RP1: variants seen among roughly 807,000 people sequenced by gnomAD.
RP1 encodes the protein oxygen-regulated protein 1.
RP1 carries 16 observed loss-of-function variants against 14.8 expected under a neutral mutation model. That is an observed-to-expected ratio of 1.08 (90% confidence interval 0.73 to 1.65). The LOEUF (loss-of-function observed/expected upper bound fraction) is 1.65. Ranked by LOEUF, RP1 falls within the 40% of genes most tolerant of loss-of-function variation. The pLI, the probability that RP1 is intolerant of heterozygous loss-of-function variation, is 0.00. For missense variants in RP1, 2,631 were observed against 2,535.0 expected (o/e 1.04, Z -0.81); for synonymous variants, 876 against 883.6 (o/e 0.99, Z 0.15).
At chr8:54,594,029 A>G (rs1322546914) in intron 1 of RP1, among the ~76,000 whole-genome samples, 1 of 151,394 alleles carries the variant, frequency 6.6e-6, no homozygotes, top group Non-Finnish European at 1.5e-5. Context: ...ACTTGGGACC[A>G]GGAACTTGGT....
chr8:54,757,761 G>A (rs1809544965), intron 21 of RP1, among the ~76,000 whole-genome samples: 1 of 152,184 alleles, frequency 6.6e-6, no homozygotes, highest in African/African-American at 2.4e-5. Flanking sequence ...ATGGGATGGG[G>A]CATCACTTGC....
intron 24 of RP1, among the ~76,000 whole-genome samples, chr8:54,809,882 A>C (rs1381609825): frequency 6.6e-6 from 1 of 152,214 alleles, no homozygotes; most frequent in African/African-American, 2.4e-5. Flanking sequence ...GAGAGTTGAA[A>C]AACATTTGTC....
chr8:54,621,729 T>G, intron 2 of RP1, 148 bp downstream of exon 2: 1 of 1,170,118 alleles, frequency 8.5e-7, no homozygotes, highest in South Asian at 1.3e-5. Context: ...CGATGCTGCC[T>G]TTGTTCCTTT....
chr8:54,604,838 A>G (rs1439216818), intron 1 of RP1, among the ~76,000 whole-genome samples: 2 of 152,176 alleles, frequency 1.3e-5, no homozygotes, highest in Non-Finnish European at 2.9e-5. Context: ...AGGTGTTTAT[A>G]GTATTCTCTG....
rs560123447 is a variant in RP1 at position 54,626,332 on chromosome 8, A to G, written c.2450A>G (p.Lys817Arg). 7.6e-5 allele frequency: 122 copies of G among 1,613,628 alleles called. No individual in the cohort carries two copies. The South Asian group carries it at 1.3e-3, about 17-fold the overall frequency. Residue 817 changes from lysine to arginine, a missense_variant, in exon 4 of 4, where the codon AAA (lysine) becomes AGA (arginine). Coordinates refer to ENST00000220676, the MANE Select transcript of RP1 (RefSeq NM_006269.2). ...TATTGCAAAAGTACTTTTGAAAACA[A>G]AAGTTTATTTCATGTATTTAACATC... Reference protein sequence around the residue: ...SKYCKSTFENKSLFHVFNILE... With the variant: ...SKYCKSTFENRSLFHVFNILE...
chr8:54,685,677 T>G (rs1807546572), intron 12 of RP1, among the ~76,000 whole-genome samples: 1 of 152,148 alleles, frequency 6.6e-6, no homozygotes, highest in Non-Finnish European at 1.5e-5. Flanking sequence ...TTTTTTTTTC[T>G]TTTAGCTCAT....
intron 7 of RP1, among the ~76,000 whole-genome samples, chr8:54,669,804 A>G (rs1807107683): frequency 6.7e-6 from 1 of 148,872 alleles, no homozygotes; most frequent in Non-Finnish European, 1.5e-5. Context: ...GCATGTTCTC[A>G]CTCATAGGTG....
chr8:54,725,093 A>C (rs1035083429), intron 16 of RP1, among the ~76,000 whole-genome samples: 3 of 152,226 alleles, frequency 2.0e-5, no homozygotes, highest in African/African-American at 7.2e-5. Context: ...CATCAATGTC[A>C]GAAGCCATTT....
intron 5 of RP1, chr8:54,652,929 C>G: frequency 8.7e-7 from 1 of 1,151,520 alleles, no homozygotes; most frequent in Non-Finnish European, 1.3e-6. Context: ...TCTCAGGAGT[C>G]AACTCATCAT....
At chr8:54,595,903 A>G (rs1805134805) in intron 1 of RP1, among the ~76,000 whole-genome samples, 1 of 152,216 alleles carries the variant, frequency 6.6e-6, no homozygotes, top group Admixed American at 6.5e-5. Context: ...ATTCCTGACC[A>G]TCACATTCTT....
chr8:54,714,271 A>C (rs1288210106), intron 15 of RP1, among the ~76,000 whole-genome samples: 1 of 152,230 alleles, frequency 6.6e-6, no homozygotes. Flanking sequence ...CCTCTCTGTA[A>C]CAAACCCCTT....
intron 24 of RP1, among the ~76,000 whole-genome samples, chr8:54,808,032 T>A (rs1810902140): frequency 6.6e-6 from 1 of 151,936 alleles, no homozygotes; most frequent in South Asian, 2.1e-4. Context: ...TGACCAAGTA[T>A]TTGGGCCCCA....
At chr8:54,699,529 C>T (rs530818256) in exon 13 of RP1, 18 of 1,410,216 alleles carry the variant, frequency 1.3e-5, no homozygotes, top group Non-Finnish European at 1.6e-5. Flanking sequence ...TGAGATGAGG[C>T]ATCTTTCTCT....
At chr8:54,600,810 A>G (rs557313210) in intron 1 of RP1, among the ~76,000 whole-genome samples, 1 of 152,220 alleles carries the variant, frequency 6.6e-6, no homozygotes, top group Non-Finnish European at 1.5e-5. Flanking sequence ...CTTTCATTGG[A>G]GCATTTTAAA....
chr8:54,868,055 T>G (rs1323636004), intron 28 of RP1, among the ~76,000 whole-genome samples: 5 of 152,162 alleles, frequency 3.3e-5, no homozygotes, highest in African/African-American at 1.2e-4. Flanking sequence ...ACCAATGAAA[T>G]AATGTAAGTA....
intron 25 of RP1, among the ~76,000 whole-genome samples, chr8:54,839,940 C>T (rs2129404059): frequency 6.6e-6 from 1 of 152,250 alleles, no homozygotes; most frequent in Non-Finnish European, 1.5e-5. Flanking sequence ...CATAAAGCTC[C>T]TGATTCTAAT....
At chr8:54,639,128 C>G (rs1425865264) in intron 3 of RP1, among the ~76,000 whole-genome samples, 1 of 152,180 alleles carries the variant, frequency 6.6e-6, no homozygotes, top group Non-Finnish European at 1.5e-5. Context: ...CATGGATTCA[C>G]TTTCTGTGGC....
chr8:54,805,122 C>T (rs1177369942), intron 24 of RP1, among the ~76,000 whole-genome samples: 2 of 152,190 alleles, frequency 1.3e-5, no homozygotes, highest in East Asian at 3.9e-4. Flanking sequence ...TGAGAGAAAT[C>T]TGAACAAAAC....
intron 22 of RP1, among the ~76,000 whole-genome samples, chr8:54,768,625 T>A (rs1190049656): frequency 6.6e-6 from 1 of 152,202 alleles, no homozygotes; most frequent in Non-Finnish European, 1.5e-5. Context: ...TACAAAAAAA[T>A]GCTTGTACAC....
Sources: allele counts gnomAD v4.1 joint callset (sites outside exome capture counted in the v4.1 genomes callset), GRCh38; gene constraint gnomAD v4.1.1; transcripts MANE v1.5; gene names NCBI Gene and HGNC (gene_info 2026-07-23, HGNC 2026-07-21).